The following ASAP3 variants were observed in gnomAD, a reference collection of about 807,000 sequenced individuals.
The protein encoded by ASAP3 is ArfGAP with SH3 domain, ankyrin repeat and PH domain 3, also known as arf-GAP with SH3 domain, ANK repeat and PH domain-containing protein 3.
A neutral mutation model predicts 118.2 loss-of-function variants in ASAP3; 85 were observed. The ratio of observed to expected loss-of-function variants is 0.72; its 90% CI spans 0.60 to 0.86. ASAP3 has a LOEUF of 0.86. ASAP3 is among the 40% of genes least tolerant of loss of function. ASAP3 has a pLI of 0.00. For missense variants in ASAP3, 1,026 were observed against 1,175.0 expected, an observed-to-expected ratio of 0.87 and a Z score of 1.85; for synonymous variants, 432 against 477.4, an observed-to-expected ratio of 0.90 and a Z score of 1.24.
rs931828010 is a variant in ASAP3, at chr1:23,484,171, G to T, written c.-38C>A. ...CGTGGAGCTGCCGGAGCGGGGCGCG[G>T]GGGGCACTGAGCTGCTCCGCGCTGA... On this transcript the variant is annotated 5_prime_UTR_variant, in exon 1 of 25. Coordinates refer to ENST00000336689, the MANE Select transcript of ASAP3 (RefSeq NM_017707.4). The T allele has an allele frequency of 8.0e-7, 1 of 1,245,898 alleles. No homozygotes were observed. Among genetic ancestry groups the T allele is most frequent in the Non-Finnish European group, 1.0e-6 (1 of 995,292 alleles). The allele number at this position is 1,245,898 out of a possible 1,614,324, so 77.2% of individuals were successfully genotyped here. A position where few individuals can be genotyped will look rare whatever the true frequency, so the allele number is the denominator to read the frequency against.
rs766739949 is a variant in ASAP3, at chr1:23,434,516, G to A, written c.1835+17C>T. On this transcript the variant is annotated intron_variant, in intron 18 of 24. Coordinates refer to ENST00000336689, the MANE Select transcript of ASAP3 (RefSeq NM_017707.4). ...GGGAGTGTGAGGAGCCAGACAGACA[G>A]GCAGGGAGGCTCTCACCCGTTCTGG... 1.2e-5 allele frequency: 20 copies of A among 1,613,984 alleles called. No homozygotes were observed. Among genetic ancestry groups the A allele is most frequent in the Admixed American group, 5.0e-5 (3 of 60,014 alleles).
At chr1:23,457,759 C>A (rs976775389) in intron 1 of ASAP3, among the ~76,000 whole-genome samples, 1 of 152,162 alleles carries the variant, frequency 6.6e-6, no homozygotes, top group Non-Finnish European at 1.5e-5. Flanking sequence ...GTGATCCACC[C>A]GCTTCGGCCT....
At chr1:23,467,026 C>T (rs547254975) in intron 1 of ASAP3, among the ~76,000 whole-genome samples, 2 of 152,148 alleles carry the variant, frequency 1.3e-5, no homozygotes, top group African/African-American at 4.8e-5. Flanking sequence ...CGCCACTGCA[C>T]CTGGCTAATT....
chr1:23,472,867 C>G (rs1305732067), intron 1 of ASAP3, among the ~76,000 whole-genome samples: 1 of 152,210 alleles, frequency 6.6e-6, no homozygotes, highest in Non-Finnish European at 1.5e-5. Flanking sequence ...ATCTTCATCC[C>G]TAATTCACAG....
intron 10 of ASAP3, among the ~76,000 whole-genome samples, chr1:23,440,213 G>A (rs1640812848): frequency 6.6e-6 from 1 of 151,002 alleles, no homozygotes; most frequent in African/African-American, 2.4e-5. Context: ...AGATTAATTA[G>A]GGCATAGGCT....
chr1:23,430,078 G>C (rs569112842), intron 24 of ASAP3, 148 bp from the exon 25 acceptor site: 2 of 699,104 alleles, frequency 2.9e-6, no homozygotes, highest in East Asian at 5.8e-5. Context: ...AGGAAGTGAA[G>C]CCACTTATCC....
chr1:23,437,744 C>A lies in ASAP3; in HGVS notation c.1103-272G>T, dbSNP rs1232794326. Among the ~76,000 whole-genome samples, 1 of 152,136 alleles carries A rather than the reference C, an allele frequency of 6.6e-6. No homozygotes were observed. The highest frequency in any genetic ancestry group is 1.5e-5 in the Non-Finnish European group (1 of 68,024). On this transcript the variant is annotated intron_variant, in intron 12 of 24. Coordinates refer to ENST00000336689, the MANE Select transcript of ASAP3 (RefSeq NM_017707.4). This position sits in a 1 kb window ranked among gnomAD's most constrained non-coding sequence, Gnocchi z 6.1. ...ACGAGGTCTCAAAGGGCTTGGAACCCCAGAGAACCCAGCTCTGAGGCAGGG... is the reference window on the plus strand; with the variant it reads ...ACGAGGTCTCAAAGGGCTTGGAACCACAGAGAACCCAGCTCTGAGGCAGGG...
intron 5 of ASAP3, among the ~76,000 whole-genome samples, chr1:23,447,195 C>T (rs1282834834): frequency 1.3e-5 from 2 of 152,142 alleles, no homozygotes; most frequent in Non-Finnish European, 2.9e-5. Flanking sequence ...GTTGAGGACC[C>T]CTGGTCTATA....
rs1021554869 is a variant in ASAP3 at position 23,438,943 on chromosome 1, G to A, written c.1015-109C>T. The stretch of plus-strand genomic sequence containing the variant: ...TGGGCATAATCATCCTGTTCCATTT[G>A]TGTTTCTCCTCACCCAGCAGCACCT... On this transcript the variant is annotated intron_variant, in intron 11 of 24. Coordinates refer to ENST00000336689, the MANE Select transcript of ASAP3 (RefSeq NM_017707.4). The surrounding 1 kb of genome is among the most constrained non-coding windows in gnomAD (Gnocchi z 4.9). The A allele has an allele frequency of 1.4e-5, 17 of 1,244,688 alleles. No homozygotes were observed. In the African/African-American group the frequency reaches 2.5e-4, roughly 18 times the overall value. 77.1% of individuals were successfully genotyped at this position (1,244,688 alleles called of 1,614,324 possible).
Position 23,451,608 on chromosome 1 carries a change from G to A in ASAP3, c.424-80C>T, listed in dbSNP as rs1641217009. 17 of 1,478,900 alleles carry A rather than the reference G, an allele frequency of 1.1e-5. No individual in the cohort carries two copies. In the South Asian group the frequency reaches 1.9e-4, roughly 17 times the overall value. The allele number at this position is 1,478,900 out of a possible 1,614,324, so 91.6% of individuals were successfully genotyped here. On this transcript the variant is annotated intron_variant, in intron 4 of 24. Coordinates refer to ENST00000336689, the MANE Select transcript of ASAP3 (RefSeq NM_017707.4). ...ACAGTATGCTCTGCTGCCTGTAGGA[G>A]GACCTGCTAGTGTGCTCCCCTGAGC...
intron 5 of ASAP3, among the ~76,000 whole-genome samples, chr1:23,449,239 T>A (rs761688561): frequency 2.6e-5 from 4 of 152,210 alleles, no homozygotes; most frequent in Admixed American, 6.5e-5. Context: ...GGTCAATAAA[T>A]ACTTGCTGAA....
intron 5 of ASAP3, among the ~76,000 whole-genome samples, chr1:23,446,889 T>C (rs1641062741): frequency 1.3e-5 from 2 of 151,992 alleles, no homozygotes; most frequent in African/African-American, 2.4e-5. Context: ...CACCAGGGAC[T>C]GGTTTCATGG....
intron 6 of ASAP3, 34 bp from the exon 7 acceptor site, chr1:23,442,305 A>C: frequency 6.3e-7 from 1 of 1,586,202 alleles, no homozygotes; most frequent in Non-Finnish European, 8.6e-7. Flanking sequence ...ACGTGATGTG[A>C]GCTGAAGCAG....
intron 5 of ASAP3, among the ~76,000 whole-genome samples, chr1:23,450,982 G>A (rs151126226): frequency 6.6e-4 from 101 of 152,322 alleles, no homozygotes; most frequent in Middle Eastern, 3.4e-3. Context: ...ACAGGACACA[G>A]AAAGCCATTT....
intron 5 of ASAP3, among the ~76,000 whole-genome samples, chr1:23,443,706 T>C (rs1640952931): frequency 6.6e-6 from 1 of 151,502 alleles, no homozygotes; most frequent in African/African-American, 2.4e-5. Flanking sequence ...AATCTTTTTT[T>C]TTTTTTTTCA....
rs1640351645 is a variant in ASAP3 at position 23,429,609 on chromosome 1, A to C, written c.*247T>G. On this transcript the variant is annotated 3_prime_UTR_variant, in exon 25 of 25. Coordinates refer to ENST00000336689, the MANE Select transcript of ASAP3 (RefSeq NM_017707.4). ...AGCTCAGGAGCACTCAGATCCAGCC[A>C]CAGGGCTCCCAGGCCCCTAGCGGGT... The C allele has an allele frequency of 2.5e-6, 1 of 401,380 alleles. No homozygotes were observed. The highest frequency in any genetic ancestry group is 2.1e-5 in the African/African-American group (1 of 48,516). The allele number at this position is 401,380 out of a possible 1,614,324, so 24.9% of individuals were successfully genotyped here. A position where few individuals can be genotyped will look rare whatever the true frequency, so the allele number is the denominator to read the frequency against.
At chr1:23,484,217 G>A (rs1026148642), upstream of ASAP3, 2 of 1,195,148 alleles carry the variant, frequency 1.7e-6, no homozygotes, top group African/African-American at 1.6e-5. Context: ...CCGCCGGCCG[G>A]GGGCGCCGTC....
At position 23,433,250 on chromosome 1, in the gene ASAP3, G is replaced by T. The variant is rs140136454; in HGVS notation, c.2150C>A (p.Ala717Asp). Residue 717 changes from alanine (A) to aspartate (D), a missense_variant, in exon 22 of 25, where the codon GCC becomes GAC. Physicochemically the swap from Ala to Asp is moderately radical, Grantham distance 126. Coordinates refer to ENST00000336689, the MANE Select transcript of ASAP3 (RefSeq NM_017707.4). ...CCTCCCACTGGCCCAGTGAGCCTGG[G>T]CCGGGAGCTTCAGCAAGCAGCGCTG... is the stretch of plus-strand genomic sequence containing the variant. Reference protein sequence around the residue: ...EEKRCLLKLPAQAHWASGRLD... With the variant: ...EEKRCLLKLPDQAHWASGRLD... The T allele has an allele frequency of 5.9e-3, 9,570 of 1,608,862 alleles. 40 individuals carry two copies. Among genetic ancestry groups the T allele is most frequent in the Admixed American group, 7.7e-3 (454 of 59,092 alleles).
chr1:23,475,173 C>T (rs1004914376), intron 1 of ASAP3, among the ~76,000 whole-genome samples: 6 of 152,198 alleles, frequency 3.9e-5, no homozygotes, highest in Admixed American at 1.3e-4. Context: ...CTCAACCAAT[C>T]AGAAGCCCTC....
Sources: allele counts gnomAD v4.1 joint callset (sites outside exome capture counted in the v4.1 genomes callset), GRCh38; gene constraint gnomAD v4.1.1; non-coding constraint Gnocchi (gnomAD v3.1); transcripts MANE v1.5; gene names NCBI Gene and HGNC (gene_info 2026-07-23, HGNC 2026-07-21).